The following RBFOX1 variants were observed in gnomAD, a reference collection of about 807,000 sequenced individuals.
RBFOX1 encodes RNA binding protein fox-1 homolog 1.
RBFOX1 carries 8 observed loss-of-function variants against 57.7 expected under a neutral mutation model. That is an observed-to-expected ratio of 0.14 (90% CI 0.08 to 0.25). RBFOX1 has a LOEUF of 0.25. Ranked by LOEUF, RBFOX1 falls within the 10% of genes least tolerant of loss-of-function variation. RBFOX1 has a pLI of 1.00. For missense variants in RBFOX1, 611 were observed against 548.5 expected, an observed-to-expected ratio of 1.11 and a Z score of -1.14; for synonymous variants, 326 against 222.4, an observed-to-expected ratio of 1.47 and a Z score of -4.15.
chr16:7,641,756 G>T (rs2062837347), intron 11 of RBFOX1, among the ~76,000 whole-genome samples: 2 of 152,170 alleles, frequency 1.3e-5, no homozygotes, highest in South Asian at 2.1e-4. Context: ...AGGAAAGTCT[G>T]GGAGTAAACT....
intron 3 of RBFOX1, among the ~76,000 whole-genome samples, chr16:6,847,616 G>T (rs1425029988): frequency 2.0e-5 from 3 of 152,112 alleles, no homozygotes; most frequent in Non-Finnish European, 2.9e-5. Context: ...TACAAGGGAC[G>T]TGAAGAATGG....
chr16:7,685,309 C>G (rs988030144), intron 14 of RBFOX1, among the ~76,000 whole-genome samples: 4 of 152,162 alleles, frequency 2.6e-5, no homozygotes, highest in African/African-American at 9.6e-5. Flanking sequence ...ACTCTCCCTT[C>G]TTCAATGAGA....
chr16:6,381,870 G>A (rs1021686337), intron 2 of RBFOX1, among the ~76,000 whole-genome samples: 2 of 152,218 alleles, frequency 1.3e-5, no homozygotes, highest in African/African-American at 2.4e-5. Context: ...ATAGGGCACG[G>A]GTTTAATAGC....
intron 3 of RBFOX1, among the ~76,000 whole-genome samples, chr16:6,672,866 C>A (rs2154112820): frequency 6.6e-6 from 1 of 152,238 alleles, no homozygotes; most frequent in South Asian, 2.1e-4. Context: ...TGTTATGGGT[C>A]ACTTGCCCCC....
intron 3 of RBFOX1, among the ~76,000 whole-genome samples, chr16:5,856,601 A>ATATATATATATATATATATATATATG (rs1321996342): frequency 1.6e-4 from 17 of 107,296 alleles, no homozygotes; most frequent in African/African-American, 5.8e-4. Flanking sequence ...ATATATATAT[A>ATATATATATATATATATATATATATG]TATAATCTTA....
chr16:6,476,827 T>C (rs1266385598), intron 2 of RBFOX1, among the ~76,000 whole-genome samples: 7 of 152,236 alleles, frequency 4.6e-5, no homozygotes, highest in African/African-American at 1.7e-4. Flanking sequence ...TCTTTCAGAA[T>C]TGGAGTGAAT....
At chr16:7,424,981 GATGGT>G (rs1357478884) in intron 4 of RBFOX1, among the ~76,000 whole-genome samples, 11 of 152,192 alleles carry the variant, frequency 7.2e-5, no homozygotes, top group Non-Finnish European at 4.4e-5. Context: ...TTATCTTAGA[GATGGT>G]ATGAGTATAA....
At chr16:7,603,948 G>C (rs1262105743) in intron 9 of RBFOX1, among the ~76,000 whole-genome samples, 1 of 152,164 alleles carries the variant, frequency 6.6e-6, no homozygotes, top group Non-Finnish European at 1.5e-5. Context: ...AGAGGAGACA[G>C]TGAGAATTAG....
At chr16:7,096,647 C>T (rs149656221) in intron 4 of RBFOX1, among the ~76,000 whole-genome samples, 1,569 of 152,036 alleles carry the variant, frequency 0.01, 8 homozygotes, top group Non-Finnish European at 0.017. Context: ...AAAACGGGGA[C>T]TGAGTTGAGC....
intron 3 of RBFOX1, among the ~76,000 whole-genome samples, chr16:6,963,129 G>A (rs1368431671): frequency 6.6e-6 from 1 of 152,130 alleles, no homozygotes; most frequent in Admixed American, 6.5e-5. Flanking sequence ...TCTGGGTGCA[G>A]GACTCTTTGG....
intron 1 of RBFOX1, among the ~76,000 whole-genome samples, chr16:5,264,940 G>T (rs1246158382): frequency 6.6e-6 from 1 of 152,074 alleles, no homozygotes; most frequent in African/African-American, 2.4e-5. Context: ...AAGTTACCAA[G>T]ATTTAGGAGT....
rs189337112 is a variant in RBFOX1 at position 6,025,994 on chromosome 16, A to G, written c.-127+6002A>G. Among the ~76,000 whole-genome samples, 17 of 152,218 alleles carry G rather than the reference A, an allele frequency of 1.1e-4. No homozygotes were observed. In the East Asian group the frequency reaches 2.5e-3, roughly 23 times the overall value. ...TACCTTCATGGCTGTGTGTTGTGCT[A>G]TGTGTTTCAGGCATGTGATCGCCTC... On this transcript the variant is annotated intron_variant, in intron 1 of 15. Coordinates refer to ENST00000550418, the MANE Select transcript of RBFOX1 (RefSeq NM_018723.4).
At chr16:7,251,215 C>G (rs1484633261) in intron 4 of RBFOX1, among the ~76,000 whole-genome samples, 1 of 151,814 alleles carries the variant, frequency 6.6e-6, no homozygotes, top group African/African-American at 2.4e-5. Flanking sequence ...CTATTCCCTA[C>G]TTCTATGAGT....
intron 2 of RBFOX1, among the ~76,000 whole-genome samples, chr16:5,529,195 G>C (rs1046994426): frequency 5.3e-5 from 8 of 152,052 alleles, no homozygotes; most frequent in South Asian, 2.1e-4. Flanking sequence ...TATAAAATGG[G>C]AATGATCATT....
intron 3 of RBFOX1, among the ~76,000 whole-genome samples, chr16:5,788,590 C>G (rs2054588782): frequency 6.6e-6 from 1 of 152,188 alleles, no homozygotes; most frequent in Non-Finnish European, 1.5e-5. Flanking sequence ...GATCGTGCCA[C>G]TGCACTCCAG....
At chr16:7,580,395 A>T (rs2093663026) in intron 6 of RBFOX1, among the ~76,000 whole-genome samples, 1 of 152,204 alleles carries the variant, frequency 6.6e-6, no homozygotes, top group South Asian at 2.1e-4. Flanking sequence ...GCATCAGCAG[A>T]GAACAACTAC....
intron 1 of RBFOX1, among the ~76,000 whole-genome samples, chr16:6,228,456 C>A (rs976566642): frequency 6.6e-6 from 1 of 151,814 alleles, no homozygotes; most frequent in African/African-American, 2.4e-5. Context: ...CATACATATA[C>A]ATGCCATGAA....
At chr16:7,415,377 C>A (rs1266957166) in intron 4 of RBFOX1, among the ~76,000 whole-genome samples, 1 of 152,168 alleles carries the variant, frequency 6.6e-6, no homozygotes, top group African/African-American at 2.4e-5. Context: ...TAGAGGGTAG[C>A]TCTGAGCCAG....
At chr16:6,151,816 G>C (rs2096799713) in intron 1 of RBFOX1, among the ~76,000 whole-genome samples, 1 of 152,090 alleles carries the variant, frequency 6.6e-6, no homozygotes, top group Non-Finnish European at 1.5e-5. Context: ...TAAGTAGTAA[G>C]GGGGAGAACT....
Sources: allele counts gnomAD v4.1 joint callset (sites outside exome capture counted in the v4.1 genomes callset), GRCh38; gene constraint gnomAD v4.1.1; transcripts MANE v1.5; gene names NCBI Gene and HGNC (gene_info 2026-07-23, HGNC 2026-07-21).